SMAD3: variants seen among roughly 807,000 people sequenced by gnomAD.
SMAD3 encodes the protein MAD homolog 3.
Under a neutral mutation model 51.8 loss-of-function variants are expected in SMAD3, and 12 were observed. The observed-to-expected ratio is 0.23, with a 90% confidence interval of 0.15 to 0.38. The LOEUF is 0.38. Ranked by LOEUF, SMAD3 falls within the 10% of genes least tolerant of loss-of-function variation. The pLI is 1.00. For synonymous variants in SMAD3, 238 were observed against 227.7 expected (o/e 1.05, Z -0.41); for missense variants, 294 against 565.6 (o/e 0.52, Z 4.87).
intron 1 of SMAD3, among the ~76,000 whole-genome samples, chr15:67,088,069 C>T (rs1332007654): frequency 3.9e-5 from 6 of 152,174 alleles, no homozygotes; most frequent in Non-Finnish European, 8.8e-5. Context: ...AAACCTTGAG[C>T]TGGAGCGGAG....
chr15:67,141,801 G>A (rs1961831294), intron 1 of SMAD3, among the ~76,000 whole-genome samples: 1 of 152,136 alleles, frequency 6.6e-6, no homozygotes. Context: ...AATCTGCTCT[G>A]GTTCATGGCT....
chr15:67,165,494 C>G, intron 3 of SMAD3, 110 bp downstream of exon 3: 1 of 1,339,518 alleles, frequency 7.5e-7, no homozygotes, highest in Non-Finnish European at 1.0e-6. Flanking sequence ...CGCTCACCCC[C>G]TCTTTGCGCA....
intron 1 of SMAD3, among the ~76,000 whole-genome samples, chr15:67,117,561 T>C (rs1961163126): frequency 6.6e-6 from 1 of 152,138 alleles, no homozygotes; most frequent in Non-Finnish European, 1.5e-5. Flanking sequence ...TCAGCAGATG[T>C]GCCGGGTGGG....
chr15:67,194,867 G>A lies in SMAD3; in HGVS notation c.*4331G>A. The A allele has an allele frequency of 4.3e-6, 1 of 233,464 alleles. No individual in the cohort carries two copies. Among genetic ancestry groups the A allele is most frequent in the African/African-American group, 2.2e-5 (1 of 45,458 alleles). The allele number at this position is 233,464 out of a possible 1,614,324, so 14.5% of individuals were successfully genotyped here. A position where few individuals can be genotyped will look rare whatever the true frequency, so the allele number is the denominator to read the frequency against. On this transcript the variant is annotated 3_prime_UTR_variant, in exon 9 of 9. Coordinates refer to ENST00000327367, the MANE Select transcript of SMAD3 (RefSeq NM_005902.4). ...CAGAGAGATGGAGCCATCTATCCAA[G>A]AAGCCTTCACTCACCTTCACTGCTG...
intron 7 of SMAD3, chr15:67,186,989 A>C (rs932188660): frequency 1.3e-5 from 6 of 458,314 alleles, no homozygotes; most frequent in African/African-American, 8.0e-5. Flanking sequence ...CAGGTCCCTT[A>C]TCTCTCTGTC....
chr15:67,130,393 G>C (rs189856490), intron 1 of SMAD3, among the ~76,000 whole-genome samples: 1 of 152,186 alleles, frequency 6.6e-6, no homozygotes, highest in Non-Finnish European at 1.5e-5. Flanking sequence ...ACCGGGTCTC[G>C]TAGTAGTAGG....
At position 67,098,799 on chromosome 15, in the gene SMAD3, G is replaced by A. The variant is rs541468340; in HGVS notation, c.206+32439G>A. The A allele has an allele frequency of 4.4e-4, 303 of 684,920 alleles. 1 individual carries two copies. The African/African-American group carries it at 5.0e-3, about 11-fold the overall frequency. The allele number at this position is 684,920 out of a possible 1,614,324, so 42.4% of individuals were successfully genotyped here. A position where few individuals can be genotyped will look rare whatever the true frequency, so the allele number is the denominator to read the frequency against. ...TGGAAGTGGGCATGGAGGGTCCTAC[G>A]CATCCCCAGCGGGGGTCTGAGGGCC... On this transcript the variant is annotated intron_variant, in intron 1 of 8. Transcript: ENST00000327367.
chr15:67,080,478 G>A (rs1960257197), intron 1 of SMAD3, among the ~76,000 whole-genome samples: 1 of 152,140 alleles, frequency 6.6e-6, no homozygotes, highest in Admixed American at 6.5e-5. Flanking sequence ...CCATCATCAG[G>A]CCCTGTCCCT....
chr15:67,173,201 T>C (rs1478786326), intron 5 of SMAD3, among the ~76,000 whole-genome samples: 1 of 151,872 alleles, frequency 6.6e-6, no homozygotes, highest in Non-Finnish European at 1.5e-5. Flanking sequence ...GTTCCCACTA[T>C]GTACTGATGC....
chr15:67,094,189 G>A (rs541237172), intron 1 of SMAD3, among the ~76,000 whole-genome samples: 22 of 152,274 alleles, frequency 1.4e-4, no homozygotes, highest in African/African-American at 5.3e-4. Flanking sequence ...CCTGCACCTC[G>A]GCGAGTCAGA....
At chr15:67,066,449 G>T in intron 1 of SMAD3, 89 bp downstream of exon 1, 1 of 994,210 alleles carries the variant, frequency 1.0e-6, no homozygotes. Flanking sequence ...GAGATGGGAA[G>T]AGGGAGAGAG....
At chr15:67,151,423 C>T (rs900199448) in intron 1 of SMAD3, among the ~76,000 whole-genome samples, 2 of 152,140 alleles carry the variant, frequency 1.3e-5, no homozygotes, top group African/African-American at 4.8e-5. Context: ...ACCTCCACCT[C>T]CTGGGTTCAA....
intron 1 of SMAD3, among the ~76,000 whole-genome samples, chr15:67,159,375 T>G (rs1962367286): frequency 6.6e-6 from 1 of 152,176 alleles, no homozygotes. Flanking sequence ...CCAGTCAGTG[T>G]TTTAGATGAA....
intron 1 of SMAD3, among the ~76,000 whole-genome samples, chr15:67,084,866 G>A (rs1960356083): frequency 6.6e-6 from 1 of 152,334 alleles, no homozygotes; most frequent in South Asian, 2.1e-4. Context: ...GGTTAGAGAT[G>A]TGGAAACCAA....
chr15:67,153,381 A>G (rs1454793607), intron 1 of SMAD3, among the ~76,000 whole-genome samples: 1 of 151,732 alleles, frequency 6.6e-6, no homozygotes, highest in African/African-American at 2.4e-5. Flanking sequence ...AATCCCAGCT[A>G]CGCAGAAGGC....
At chr15:67,081,701 T>C (rs1364801764) in intron 1 of SMAD3, among the ~76,000 whole-genome samples, 1 of 152,160 alleles carries the variant, frequency 6.6e-6, no homozygotes, top group Non-Finnish European at 1.5e-5. Context: ...TATTACCGTC[T>C]ATAAACGTTG....
intron 1 of SMAD3, among the ~76,000 whole-genome samples, chr15:67,149,533 A>G (rs754767890): frequency 6.6e-5 from 10 of 152,108 alleles, no homozygotes; most frequent in Admixed American, 4.6e-4. Context: ...CCACCCTGAC[A>G]TTGTTAAGTG....
intron 1 of SMAD3, among the ~76,000 whole-genome samples, chr15:67,091,613 C>G (rs1041204041): frequency 6.6e-6 from 1 of 152,202 alleles, no homozygotes; most frequent in Non-Finnish European, 1.5e-5. Context: ...CACGTAAAGA[C>G]TCACCTCTGT....
intron 1 of SMAD3, among the ~76,000 whole-genome samples, chr15:67,161,076 AGAGTTT>A (rs1443476719): frequency 6.6e-6 from 1 of 152,116 alleles, no homozygotes; most frequent in African/African-American, 2.4e-5. Context: ...TAGACATTTT[AGAGTTT>A]AAGTTTCACT....
Sources: allele counts gnomAD v4.1 joint callset (sites outside exome capture counted in the v4.1 genomes callset), GRCh38; gene constraint gnomAD v4.1.1; transcripts MANE v1.5; gene names NCBI Gene and HGNC (gene_info 2026-07-23, HGNC 2026-07-21).